The following PCDHA3 variants were observed in gnomAD, a reference collection of about 807,000 sequenced individuals.
The protein encoded by PCDHA3 is protocadherin alpha-3.
Under a neutral mutation model 62.2 loss-of-function variants are expected in PCDHA3, and 41 were observed. The observed-to-expected ratio is 0.66, with a 90% CI of 0.51 to 0.86. The LOEUF (loss-of-function observed/expected upper bound fraction) is 0.86. Ranked by LOEUF, PCDHA3 falls within the 40% of genes least tolerant of loss-of-function variation. The pLI, the probability that PCDHA3 is intolerant of heterozygous loss-of-function variation, is 0.00. For missense variants in PCDHA3, 1,304 were observed against 1,241.2 expected, an observed-to-expected ratio of 1.05 and a Z score of -0.76; for synonymous variants, 640 against 555.4, an observed-to-expected ratio of 1.15 and a Z score of -2.14.
intron 1 of PCDHA3, chr5:140,857,669 G>T (rs926570494): frequency 5.0e-6 from 8 of 1,596,800 alleles, no homozygotes; most frequent in East Asian, 2.2e-5. Flanking sequence ...CGATGGGGGC[G>T]TGCCGCCTCT....
chr5:140,844,849 G>T, intron 1 of PCDHA3, among the ~76,000 whole-genome samples: 1 of 148,746 alleles, frequency 6.7e-6, no homozygotes, highest in African/African-American at 2.5e-5. Flanking sequence ...TGTGACTGTT[G>T]GACCTGCCTG....
rs2150396566 is a variant in PCDHA3, at chr5:140,846,990, G to A, written c.2394+43399G>A. 7.1e-4 allele frequency among the ~76,000 whole-genome samples: 106 copies of A among 149,506 alleles called. 4 individuals are homozygous for A. In the South Asian group the frequency reaches 0.022, roughly 31 times the overall value. On this transcript the variant is annotated intron_variant, in intron 1 of 3. Coordinates refer to ENST00000522353, the MANE Select transcript of PCDHA3 (RefSeq NM_018906.3). The stretch of plus-strand genomic sequence containing the variant: ...GTTTTAAAATAAGTAAGTTCCCCCC[G>A]GGAGAATATTGAGAATGATAGACAT...
At position 140,842,810 on chromosome 5, in the gene PCDHA3, C is replaced by A. The variant is rs1346749991; in HGVS notation, c.2394+39219C>A. The A allele has an allele frequency of 1.9e-6, 3 of 1,594,008 alleles. 1 individual carries two copies. Among genetic ancestry groups the A allele is most frequent in the Non-Finnish European group, 2.6e-6 (3 of 1,165,400 alleles). ...GCTGGTGTCCTACTCGCTTGTGGAG[C>A]GGCGGGTGGGCGAGCGCTCGCTGTC... On this transcript the variant is annotated intron_variant, in intron 1 of 3. Transcript: ENST00000522353.
intron 1 of PCDHA3, among the ~76,000 whole-genome samples, chr5:140,873,969 A>T (rs1438036244): frequency 6.6e-6 from 1 of 152,224 alleles, no homozygotes; most frequent in Non-Finnish European, 1.5e-5. Context: ...CCTATTTTTT[A>T]AAATTAAAGT....
chr5:140,900,022 T>C (rs1554188836), intron 1 of PCDHA3, among the ~76,000 whole-genome samples: 1 of 152,044 alleles, frequency 6.6e-6, no homozygotes, highest in African/African-American at 2.4e-5. Flanking sequence ...GTTACCCAGT[T>C]TGGCCTTGAA....
At chr5:140,807,303 C>T in intron 1 of PCDHA3, 1 of 1,614,160 alleles carries the variant, frequency 6.2e-7, no homozygotes, top group Non-Finnish European at 8.5e-7. Context: ...TCCGAGGAGG[C>T]CAAACACGGC....
chr5:140,932,687 T>A (rs1285364025), intron 1 of PCDHA3, among the ~76,000 whole-genome samples: 2 of 151,810 alleles, frequency 1.3e-5, no homozygotes, highest in Non-Finnish European at 2.9e-5. Context: ...TATATTCAAA[T>A]TAAAAAACTC....
At chr5:141,008,712 T>G (rs1554261909) in intron 3 of PCDHA3, among the ~76,000 whole-genome samples, 1 of 152,210 alleles carries the variant, frequency 6.6e-6, no homozygotes, top group Non-Finnish European at 1.5e-5. Flanking sequence ...TCTAGTTGCT[T>G]GAGTGTATGT....
intron 1 of PCDHA3, chr5:140,929,314 G>A: frequency 6.4e-7 from 1 of 1,560,184 alleles, no homozygotes; most frequent in Non-Finnish European, 8.7e-7. Flanking sequence ...TCACGCTAAT[G>A]TCAATGCCAT....
intron 1 of PCDHA3, chr5:140,829,448 C>G (rs1770312279): frequency 1.9e-6 from 3 of 1,613,964 alleles, no homozygotes. Context: ...TGACAATGCT[C>G]CGGCGTTCGC....
At chr5:140,820,473 T>C (rs2150107106) in intron 1 of PCDHA3, among the ~76,000 whole-genome samples, 2 of 152,136 alleles carry the variant, frequency 1.3e-5, no homozygotes, top group African/African-American at 4.8e-5. Flanking sequence ...AGGTAAGGGA[T>C]ATTTTGTAAT....
At chr5:140,986,246 C>G (rs561365390) in intron 3 of PCDHA3, among the ~76,000 whole-genome samples, 1 of 152,296 alleles carries the variant, frequency 6.6e-6, no homozygotes, top group South Asian at 2.1e-4. Flanking sequence ...TGAGCAGACC[C>G]GGACCACAGG....
chr5:140,848,456 A>T (rs2150410759), intron 1 of PCDHA3: 1 of 1,524,638 alleles, frequency 6.6e-7, no homozygotes, highest in South Asian at 1.2e-5. Flanking sequence ...TCTAATTTGG[A>T]GGCAATTTTC....
At chr5:140,822,616 A>G (rs1554128752) in intron 1 of PCDHA3, 2 of 1,611,568 alleles carry the variant, frequency 1.2e-6, no homozygotes, top group Non-Finnish European at 1.7e-6. Flanking sequence ...GTATTTCTTT[A>G]GTAATCTTGT....
At chr5:140,924,902 A>T (rs1484044152) in intron 1 of PCDHA3, among the ~76,000 whole-genome samples, 1 of 39,026 alleles carries the variant, frequency 2.6e-5, no homozygotes, top group African/African-American at 7.6e-5. Context: ...CTCAAAAAAA[A>T]AAATAAAATA....
rs1485778021 is a variant in PCDHA3, at chr5:140,803,340, C to G, written c.2143C>G (p.Leu715Val). ...CAVSSLLVLT[L>V]LLYTALRCSA... ...GGTGTCCAGTCTGTTGGTGCTCACA[C>G]TGCTGCTATATACTGCTCTGCGGTG... Residue 715 changes from leucine to valine, a missense_variant, in exon 1 of 4, where the codon CTG becomes GTG. Coordinates refer to ENST00000522353, the MANE Select transcript of PCDHA3 (RefSeq NM_018906.3). 2 of 1,614,096 alleles carry G rather than the reference C, an allele frequency of 1.2e-6. No homozygotes were observed. The highest frequency in any genetic ancestry group is 1.7e-6 in the Non-Finnish European group (2 of 1,180,022).
At chr5:140,947,734 C>T (rs2094167568) in intron 1 of PCDHA3, among the ~76,000 whole-genome samples, 1 of 151,286 alleles carries the variant, frequency 6.6e-6, no homozygotes, top group African/African-American at 2.4e-5. Flanking sequence ...TTTTGTAATA[C>T]CTATTCTTAT....
rs1166002941 is a variant in PCDHA3 at position 141,000,351 on chromosome 5, G to A, written c.2543-9276G>A. ...ACAGCAAGGCCCTATCTCTCTCTCT[G>A]TCTCTCTCTGTCTCTCTCTCTCTCT... On this transcript the variant is annotated intron_variant, in intron 3 of 3. Transcript: ENST00000522353. Among the ~76,000 whole-genome samples the A allele has an allele frequency of 6.0e-5, 4 of 66,852 alleles. No homozygotes were observed. The Admixed American group carries it at 6.5e-4, about 11-fold the overall frequency. 43.9% of individuals were successfully genotyped at this position (66,852 alleles called of 152,430 possible).
intron 1 of PCDHA3, among the ~76,000 whole-genome samples, chr5:140,945,365 G>A (rs1458066318): frequency 6.6e-6 from 1 of 151,914 alleles, no homozygotes; most frequent in Non-Finnish European, 1.5e-5. Flanking sequence ...TGTTTAAAAT[G>A]TCCATATTAC....
Sources: gnomAD v4.1 joint callset for allele counts (sites outside exome capture counted in the v4.1 genomes callset) on GRCh38, gnomAD v4.1.1 for gene constraint, MANE v1.5 for transcripts, NCBI Gene and HGNC (gene_info 2026-07-23, HGNC 2026-07-21) for gene names.